The following GALNT10 variants were observed in gnomAD, a reference collection of about 807,000 sequenced individuals.
GALNT10 encodes polypeptide N-acetylgalactosaminyltransferase 10.
GALNT10 carries 41 observed loss-of-function variants against 75.0 expected under a neutral mutation model. That is an observed-to-expected ratio of 0.55 (90% CI 0.43 to 0.71). The LOEUF is 0.71. Among genes scored for constraint, GALNT10 ranks in the 30% least tolerant of loss-of-function variants. The pLI is 0.00. For synonymous variants in GALNT10, 302 were observed against 313.0 expected (o/e 0.96, Z 0.37); for missense variants, 727 against 818.5 (o/e 0.89, Z 1.36).
intron 1 of GALNT10, among the ~76,000 whole-genome samples, chr5:154,216,494 T>G (rs1280674711): frequency 6.6e-6 from 1 of 152,232 alleles, no homozygotes; most frequent in Non-Finnish European, 1.5e-5. Context: ...GAGGCAGATG[T>G]AAGCTGCAAG....
intron 1 of GALNT10, among the ~76,000 whole-genome samples, chr5:154,214,294 C>T (rs1468540390): frequency 6.6e-6 from 1 of 151,890 alleles, no homozygotes; most frequent in African/African-American, 2.4e-5. Flanking sequence ...AAATTCAAAC[C>T]TGATAACCAA....
intron 7 of GALNT10, among the ~76,000 whole-genome samples, chr5:154,400,342 G>A (rs572466066): frequency 1.3e-5 from 2 of 152,140 alleles, no homozygotes; most frequent in Non-Finnish European, 2.9e-5. Flanking sequence ...GTGGTGCAGA[G>A]GTGATCACTG....
intron 1 of GALNT10, among the ~76,000 whole-genome samples, chr5:154,226,063 A>G (rs183417262): frequency 7.2e-5 from 11 of 152,258 alleles, no homozygotes; most frequent in African/African-American, 2.6e-4. Flanking sequence ...CAGCACACCA[A>G]CATGGCACAT....
In GALNT10 at chr5:154,412,507, G is replaced by A. The variant is rs902158618; in HGVS notation, c.1387-382G>A. ...CCTTTTCTAGGCGCTTTCAAGGTATGGTCCCTGGACCACCTGCACCTGAGT... is the reference window on the plus strand; with the variant it reads ...CCTTTTCTAGGCGCTTTCAAGGTATAGTCCCTGGACCACCTGCACCTGAGT... On this transcript the variant is annotated intron_variant, in intron 9 of 11. Transcript: ENST00000297107. This position sits in a 1 kb window ranked among gnomAD's most constrained non-coding sequence, Gnocchi z 4.2. The A allele has an allele frequency of 8.2e-6, 2 of 242,474 alleles. No homozygotes were observed. Among genetic ancestry groups the A allele is most frequent in the African/African-American group, 2.4e-5 (1 of 42,526 alleles). 15.0% of individuals were successfully genotyped at this position (242,474 alleles called of 1,614,324 possible).
At chr5:154,398,735 CCT>C (rs1196524961) in intron 7 of GALNT10, among the ~76,000 whole-genome samples, 7 of 152,218 alleles carry the variant, frequency 4.6e-5, no homozygotes, top group African/African-American at 1.7e-4. Context: ...ATTCCTGCCC[CCT>C]GTTCCACAAA....
At chr5:154,239,987 C>T (rs1348356405) in intron 1 of GALNT10, among the ~76,000 whole-genome samples, 1 of 152,224 alleles carries the variant, frequency 6.6e-6, no homozygotes, top group Non-Finnish European at 1.5e-5. Flanking sequence ...TAAGAAGAGA[C>T]ATTTGGGACT....
chr5:154,336,833 C>T (rs1461157240), intron 4 of GALNT10, among the ~76,000 whole-genome samples: 4 of 152,178 alleles, frequency 2.6e-5, no homozygotes, highest in Non-Finnish European at 4.4e-5. Context: ...AGTGCATTCA[C>T]TCTTTTATTA....
intron 1 of GALNT10, among the ~76,000 whole-genome samples, chr5:154,212,691 G>A (rs528378975): frequency 5.3e-4 from 80 of 151,484 alleles, no homozygotes; most frequent in African/African-American, 1.8e-3. Context: ...GCTCCAGGCC[G>A]GGCATGGTGG....
chr5:154,404,263 A>G (rs1756227646), intron 8 of GALNT10, 52 bp downstream of exon 8: 2 of 1,084,730 alleles, frequency 1.8e-6, no homozygotes, highest in East Asian at 5.0e-5. Flanking sequence ...TAGGACCATC[A>G]GCTGCACTGA....
chr5:154,213,227 TAA>T (rs967050280), intron 1 of GALNT10, among the ~76,000 whole-genome samples: 2 of 152,196 alleles, frequency 1.3e-5, no homozygotes, highest in Admixed American at 6.5e-5. Context: ...TGGTTTGTTA[TAA>T]AGAGTTGAGA....
At chr5:154,318,152 C>G (rs1754625553) in intron 3 of GALNT10, among the ~76,000 whole-genome samples, 1 of 152,214 alleles carries the variant, frequency 6.6e-6, no homozygotes, top group Non-Finnish European at 1.5e-5. Context: ...TCCACCCCAG[C>G]CCTATACAGG....
At chr5:154,238,427 T>C (rs1299722946) in intron 1 of GALNT10, among the ~76,000 whole-genome samples, 1 of 152,194 alleles carries the variant, frequency 6.6e-6, no homozygotes, top group African/African-American at 2.4e-5. Context: ...GTAATCCACA[T>C]TAATATGCAG....
chr5:154,253,827 T>G (rs1753566683), intron 1 of GALNT10, among the ~76,000 whole-genome samples: 2 of 151,572 alleles, frequency 1.3e-5, no homozygotes, highest in African/African-American at 4.9e-5. Flanking sequence ...TTCCTTTGTC[T>G]CCATTGTTCC....
intron 4 of GALNT10, among the ~76,000 whole-genome samples, chr5:154,333,615 C>A (rs1754899597): frequency 6.6e-6 from 1 of 152,020 alleles, no homozygotes; most frequent in South Asian, 2.1e-4. Context: ...CACTTCATAA[C>A]AAGATCATTC....
chr5:154,332,331 C>T (rs567315517), intron 4 of GALNT10, among the ~76,000 whole-genome samples: 3 of 152,260 alleles, frequency 2.0e-5, no homozygotes, highest in Admixed American at 6.5e-5. Flanking sequence ...GTGAGGGCTG[C>T]GCTCACTTTC....
chr5:154,397,530 AC>A, intron 7 of GALNT10, among the ~76,000 whole-genome samples: 1 of 152,246 alleles, frequency 6.6e-6, no homozygotes, highest in Non-Finnish European at 1.5e-5. Flanking sequence ...AGGCTTTCAG[AC>A]TTATAAAACT....
intron 1 of GALNT10, among the ~76,000 whole-genome samples, chr5:154,274,622 AC>A (rs1561647252): frequency 6.6e-6 from 1 of 152,150 alleles, no homozygotes; most frequent in Non-Finnish European, 1.5e-5. Context: ...TCTTGGTGAA[AC>A]CTGTAACCTC....
At position 154,216,050 on chromosome 5, in the gene GALNT10, TGCC is replaced by T. The variant is rs561586571; in HGVS notation, c.159+25026_159+25028del. Reference sequence around the variant, plus strand: ...GTGGAGGGGAAACCTGTTTGTTTCATGCCAGCTTCTGCCACTGATGTTTTCACT... The same window carrying T: ...GTGGAGGGGAAACCTGTTTGTTTCATAGCTTCTGCCACTGATGTTTTCACT... On this transcript the variant is annotated intron_variant, in intron 1 of 11. Coordinates refer to ENST00000297107, the MANE Select transcript of GALNT10 (RefSeq NM_198321.4). 2.9e-3 allele frequency among the ~76,000 whole-genome samples: 437 copies of T among 152,306 alleles called. 2 individuals carry two copies. The highest frequency in any genetic ancestry group is 4.7e-3 in the Non-Finnish European group (320 of 68,028).
At chr5:154,315,938 A>G (rs1754589414) in intron 3 of GALNT10, among the ~76,000 whole-genome samples, 4 of 152,254 alleles carry the variant, frequency 2.6e-5, no homozygotes. Flanking sequence ...AAAGGAAGAA[A>G]CTAAGCAGGT....
Sources: allele counts gnomAD v4.1 joint callset (sites outside exome capture counted in the v4.1 genomes callset), GRCh38; gene constraint gnomAD v4.1.1; non-coding constraint Gnocchi (gnomAD v3.1); transcripts MANE v1.5; gene names NCBI Gene and HGNC (gene_info 2026-07-23, HGNC 2026-07-21).